MYH7B: variants seen among roughly 807,000 people sequenced by gnomAD.
MYH7B encodes myosin-7B.
Under a neutral mutation model 234.5 loss-of-function variants are expected in MYH7B, and 205 were observed. The observed-to-expected ratio is 0.87, with a 90% CI of 0.78 to 0.98. MYH7B has a LOEUF of 0.98. Among genes scored for constraint, MYH7B ranks in the 50% least tolerant of loss-of-function variants. The probability of loss-of-function intolerance (pLI) is 0.00; values close to 1 mark genes in which losing one functional copy is unlikely to be tolerated. For synonymous variants in MYH7B, 1,193 were observed against 1,105.0 expected (o/e 1.08, Z -1.58); for missense variants, 2,652 against 2,633.4 (o/e 1.01, Z -0.15).
At chr20:34,992,680 C>T (rs1269609977) in intron 24 of MYH7B, among the ~76,000 whole-genome samples, 1 of 149,564 alleles carries the variant, frequency 6.7e-6, no homozygotes, top group East Asian at 2.1e-4. Context: ...TGCAATTCTT[C>T]TGCCTCAGCC....
chr20:34,982,520 G>A lies in MYH7B; in HGVS notation c.589G>A (p.Val197Ile), dbSNP rs773620102. The A allele has an allele frequency of 8.1e-6, 13 of 1,611,858 alleles. No individual in the cohort carries two copies. Among genetic ancestry groups the A allele is most frequent in the East Asian group, 2.2e-5 (1 of 44,600 alleles). The change falls in exon 10 of 45, where the codon GTC becomes ATC. Residue 197 changes from valine to isoleucine, a missense_variant. Val to Ile is a conservative substitution (Grantham distance 29). Transcript: ENST00000262873. Reference sequence around the variant, plus strand: ...GCGGGTCATTCAGTACTTTGCCATCGTCGCTGCCCTGGGAGACGGGCCGGG... The same window carrying A: ...GCGGGTCATTCAGTACTTTGCCATCATCGCTGCCCTGGGAGACGGGCCGGG...
intron 19 of MYH7B, among the ~76,000 whole-genome samples, chr20:34,989,358 C>CT (rs2082096319): frequency 6.6e-6 from 1 of 152,114 alleles, no homozygotes; most frequent in Admixed American, 6.5e-5. Context: ...GTCGGAGGGC[C>CT]CCACAGCTAG....
Position 34,980,119 on chromosome 20 carries a change from G to T in MYH7B, c.342+315G>T, listed in dbSNP as rs938839504. ...GGCTGGGGCAGGGCTGTGAGCACAA[G>T]TCAGGGGTGAGGCCAGGACGGCCAC... On this transcript the variant is annotated intron_variant, in intron 7 of 44. Coordinates refer to ENST00000262873, the Ensembl canonical transcript of MYH7B. 17 of 441,984 alleles carry T rather than the reference G, an allele frequency of 3.8e-5. No homozygotes were observed. The South Asian group carries it at 4.6e-4, about 12-fold the overall frequency. The allele number at this position is 441,984 out of a possible 1,614,324, so 27.4% of individuals were successfully genotyped here. A position where few individuals can be genotyped will look rare whatever the true frequency, so the allele number is the denominator to read the frequency against.
At chr20:34,992,824 C>T (rs2082180011) in intron 24 of MYH7B, among the ~76,000 whole-genome samples, 1 of 152,200 alleles carries the variant, frequency 6.6e-6, no homozygotes, top group Non-Finnish European at 1.5e-5. Flanking sequence ...CCCGCCTTGG[C>T]TTCCCAAAGT....
chr20:34,995,228 GCCAAA>G (rs2082231470), intron 27 of MYH7B, 103 bp from the exon 28 acceptor site: 20 of 857,188 alleles, frequency 2.3e-5, no homozygotes, highest in Admixed American at 1.8e-4. Context: ...TCAGAGCACA[GCCAAA>G]CTTTGCTACA....
Position 34,979,822 on chromosome 20 carries a change from G to T in MYH7B, c.342+18G>T. The stretch of plus-strand genomic sequence containing the variant: ...TGATCTATGTGAGCCCCAGGCCCGG[G>T]CCATGGGCGGGGTGGGGCTTGTATG... On this transcript the variant is annotated intron_variant, in intron 7 of 44. Transcript: ENST00000262873. The T allele has an allele frequency of 6.2e-7, 1 of 1,609,824 alleles. No homozygotes were observed.
At chr20:34,966,929 T>A (rs866632183) in intron 2 of MYH7B, among the ~76,000 whole-genome samples, 23 of 150,110 alleles carry the variant, frequency 1.5e-4, no homozygotes, top group African/African-American at 4.9e-4. Context: ...TCTTTAAAAA[T>A]TTTTTTTTTA....
chr20:34,998,621 G>A (rs2082308100), exon 34 of MYH7B: 1 of 1,613,086 alleles, frequency 6.2e-7, no homozygotes, highest in South Asian at 1.1e-5. Context: ...GCTAGAGGAG[G>A]AAAGCAAGGT....
exon 35 of MYH7B, chr20:34,998,767 G>T: frequency 6.2e-7 from 1 of 1,612,962 alleles, no homozygotes; most frequent in Non-Finnish European, 8.5e-7. Context: ...GCACGACTGT[G>T]ACCTCCTGCG....
chr20:34,987,393 G>C, intron 16 of MYH7B, 106 bp downstream of exon 16: 1 of 1,503,486 alleles, frequency 6.7e-7, no homozygotes, highest in Non-Finnish European at 9.0e-7. Context: ...GTCTTACCTG[G>C]CCCTGCCTCC....
intron 13 of MYH7B, 106 bp from the exon 14 acceptor site, chr20:34,985,994 C>A: frequency 1.1e-6 from 1 of 925,166 alleles, no homozygotes; most frequent in Non-Finnish European, 1.7e-6. Flanking sequence ...GCAGATGCAG[C>A]CCCCCTGCAC....
intron 23 of MYH7B, 62 bp downstream of exon 23, chr20:34,990,887 A>T: frequency 5.6e-6 from 9 of 1,593,596 alleles, no homozygotes; most frequent in Non-Finnish European, 7.7e-6. Flanking sequence ...GACAGGGCAG[A>T]GGCCGGGAGG....
Position 34,990,133 on chromosome 20 carries a change from G to A in MYH7B, c.1887G>A (p.Ala629=), listed in dbSNP as rs369541593. 110 of 1,613,990 alleles carry A rather than the reference G, an allele frequency of 6.8e-5. No individual in the cohort carries two copies. The highest frequency in any genetic ancestry group is 8.8e-5 in the Non-Finnish European group (104 of 1,180,010). Residue 629 remains alanine, a synonymous_variant, in exon 21 of 45, where the codon GCG becomes GCA. Coordinates refer to ENST00000262873, the Ensembl canonical transcript of MYH7B. ...TGGCGACTCTCTATGAGAATTATGC[G>A]GGCTCCTGCTCCAGTGAGTATGGAG...
exon 39 of MYH7B, chr20:35,000,529 A>G: frequency 1.3e-6 from 2 of 1,591,010 alleles, no homozygotes; most frequent in Admixed American, 1.7e-5. Flanking sequence ...CTGGCAGCTG[A>G]GCTCCACGAG....
intron 4 of MYH7B, 58 bp downstream of exon 4, chr20:34,977,738 G>GGGGGGGGGGGGGGGGGGGCGCCC: frequency 3.2e-6 from 1 of 317,154 alleles, no homozygotes; most frequent in Non-Finnish European, 5.9e-6. Context: ...GGGCGGGTGG[G>GGGGGGGGGGGGGGGGGGGCGCCC]TGAGGGTGCC....
Position 34,990,217 on chromosome 20 carries a change from C to G in MYH7B, c.1901-17C>G, listed in dbSNP as rs1173982096. 5 of 1,614,000 alleles carry G rather than the reference C, an allele frequency of 3.1e-6. No homozygotes were observed. The East Asian group carries it at 1.1e-4, about 36-fold the overall frequency. ...AGCGACATTCCCTGGAGTGACCAGG[C>G]CCCTTGTCTCTATTAGCTGAGCCCC... On this transcript the variant is annotated splice_polypyrimidine_tract_variant and intron_variant, in intron 21 of 44. Coordinates refer to ENST00000262873, the Ensembl canonical transcript of MYH7B.
chr20:34,956,360 T>C (rs1259345583), intron 1 of MYH7B, among the ~76,000 whole-genome samples: 1 of 152,188 alleles, frequency 6.6e-6, no homozygotes, highest in African/African-American at 2.4e-5. Flanking sequence ...GAGCCCTGTG[T>C]TTCTCAGACT....
chr20:34,975,541 C>A, intron 3 of MYH7B, 42 bp downstream of exon 3: 2 of 711,492 alleles, frequency 2.8e-6, no homozygotes, highest in East Asian at 5.4e-5. Flanking sequence ...TGAGAAAATT[C>A]ATCAAACTTT....
rs763509170 is a variant in MYH7B at position 35,000,824 on chromosome 20, C to CG, written c.5239dup (p.Glu1747GlyfsTer13). 6.2e-7 allele frequency: 1 copy of CG among 1,613,606 alleles called. No homozygotes were observed. ...TGGAGGCGGACTTGGCCCAGCTGAG[C>CG]GGGGAGGTGGAGGAGGCTGCACAGG... On this transcript the variant is annotated frameshift_variant, in exon 40 of 45. Transcript: ENST00000262873. LOFTEE classifies it high-confidence loss of function.
Sources: gnomAD v4.1 joint callset for allele counts (sites outside exome capture counted in the v4.1 genomes callset) on GRCh38, gnomAD v4.1.1 for gene constraint, MANE v1.5 for transcripts, NCBI Gene and HGNC (gene_info 2026-07-23, HGNC 2026-07-21) for gene names.